The following ASNS variants were observed in gnomAD, a reference collection of about 807,000 sequenced individuals.
ASNS encodes asparagine synthetase [glutamine-hydrolyzing].
A neutral mutation model predicts 62.6 loss-of-function variants in ASNS; 37 were observed. The observed-to-expected ratio is 0.59, with a 90% CI of 0.45 to 0.78. ASNS has a LOEUF of 0.78. Among genes scored for constraint, ASNS ranks in the 30% least tolerant of loss-of-function variants. The pLI is 0.00. For missense variants in ASNS, 520 were observed against 682.4 expected, an observed-to-expected ratio of 0.76 and a Z score of 2.65; for synonymous variants, 207 against 237.9, an observed-to-expected ratio of 0.87 and a Z score of 1.19.
chr7:97,927,654 G>A, the ASNS span, among the ~76,000 whole-genome samples: 1 of 152,286 alleles, frequency 6.6e-6, no homozygotes, highest in Non-Finnish European at 1.5e-5. Flanking sequence ...GTTTCCTGAT[G>A]TTACACTGCC....
At chr7:97,868,787 G>A (rs1266703523) in intron 3 of ASNS, 121 bp downstream of exon 3, 2 of 1,399,816 alleles carry the variant, frequency 1.4e-6, no homozygotes, top group Non-Finnish European at 1.9e-6. Flanking sequence ...TAGAGCAAAT[G>A]AGATAACGAA....
At chr7:97,882,991 C>A in the ASNS span, among the ~76,000 whole-genome samples, 2 of 152,194 alleles carry the variant, frequency 1.3e-5, no homozygotes, top group South Asian at 2.1e-4. Flanking sequence ...GCCAAGTGTG[C>A]TTTTTGCTGG....
At chr7:97,892,609 CT>C in the ASNS span, among the ~76,000 whole-genome samples, 2 of 152,090 alleles carry the variant, frequency 1.3e-5, no homozygotes, top group Non-Finnish European at 2.9e-5. Flanking sequence ...TACCCTAAAT[CT>C]CAAGTTCAAA....
At chr7:97,865,845 G>A (rs1167182003) in intron 3 of ASNS, among the ~76,000 whole-genome samples, 2 of 152,176 alleles carry the variant, frequency 1.3e-5, no homozygotes, top group South Asian at 2.1e-4. Context: ...CTTTGTGGGC[G>A]TGCTTGCATG....
the ASNS span, among the ~76,000 whole-genome samples, chr7:97,921,498 C>T: frequency 2.4e-3 from 371 of 152,264 alleles, 1 homozygote; most frequent in African/African-American, 8.6e-3. Flanking sequence ...CTACAGCCTG[C>T]CTCCTCTGCT....
the ASNS span, among the ~76,000 whole-genome samples, chr7:97,897,197 A>G: frequency 1.3e-5 from 2 of 152,206 alleles, no homozygotes; most frequent in African/African-American, 4.8e-5. Flanking sequence ...CAAAGAAAAC[A>G]ATCAACAGAG....
chr7:97,871,283 C>T (rs1264828914), intron 1 of ASNS, among the ~76,000 whole-genome samples: 1 of 152,218 alleles, frequency 6.6e-6, no homozygotes, highest in Non-Finnish European at 1.5e-5. Flanking sequence ...CTAGCCAGCA[C>T]TTCAAGTGCT....
intron 3 of ASNS, among the ~76,000 whole-genome samples, 199 bp from the exon 4 acceptor site, chr7:97,864,695 C>T (rs995530791): frequency 6.6e-6 from 1 of 152,076 alleles, no homozygotes; most frequent in African/African-American, 2.4e-5. Context: ...AAAGCCGAAC[C>T]CATGAAAATT....
chr7:97,922,155 A>G, the ASNS span, among the ~76,000 whole-genome samples: 6 of 152,180 alleles, frequency 3.9e-5, no homozygotes, highest in Non-Finnish European at 4.4e-5. Context: ...GCTTGAGTCC[A>G]GGAGTTCGAG....
chr7:97,874,906 C>T (rs1792407143), upstream of ASNS, among the ~76,000 whole-genome samples: 3 of 152,248 alleles, frequency 2.0e-5, no homozygotes, highest in Non-Finnish European at 4.4e-5. Flanking sequence ...CCTGTTTTGA[C>T]AGTTCTATTT....
chr7:97,861,404 C>T (rs192310998), intron 4 of ASNS, among the ~76,000 whole-genome samples: 157 of 152,302 alleles, frequency 1.0e-3, no homozygotes, highest in African/African-American at 3.4e-3. Context: ...CTGGTTGCCC[C>T]TGTGCCAGTT....
the ASNS span, among the ~76,000 whole-genome samples, chr7:97,900,233 G>T: frequency 6.6e-6 from 1 of 151,840 alleles, no homozygotes; most frequent in Non-Finnish European, 1.5e-5. Flanking sequence ...ATGGTGGCAG[G>T]TGCCTATAAT....
intron 8 of ASNS, among the ~76,000 whole-genome samples, chr7:97,855,915 T>C (rs185130770): frequency 6.6e-6 from 1 of 152,304 alleles, no homozygotes; most frequent in East Asian, 1.9e-4. Flanking sequence ...ACTATATAAG[T>C]TATTAAACTT....
chr7:97,921,565 G>A, the ASNS span, among the ~76,000 whole-genome samples: 2 of 152,200 alleles, frequency 1.3e-5, no homozygotes, highest in Admixed American at 6.5e-5. Context: ...GCACACAGGA[G>A]CTGCTCAGAT....
the ASNS span, among the ~76,000 whole-genome samples, chr7:97,900,993 G>A: frequency 6.6e-6 from 1 of 152,210 alleles, no homozygotes; most frequent in Non-Finnish European, 1.5e-5. Context: ...TAAGAATACA[G>A]GCACAGTTAT....
rs773038158 is a variant in ASNS at position 97,853,055 on chromosome 7, T to C, written c.1476+5A>G. The C allele has an allele frequency of 1.7e-5, 27 of 1,558,650 alleles. No individual in the cohort carries two copies. The highest frequency in any genetic ancestry group is 2.3e-5 in the Non-Finnish European group (27 of 1,156,330). ...TTCCTGAAAATGTTTTTAAAGACAT[T>C]ATACCTGATGTTCAACGTATTCCTG... On this transcript the variant is annotated splice_donor_5th_base_variant and intron_variant, in intron 12 of 12. Transcript: ENST00000394308.
intron 2 of ASNS, 117 bp from the exon 3 acceptor site, chr7:97,869,296 T>C: frequency 8.3e-6 from 10 of 1,201,092 alleles, no homozygotes; most frequent in Non-Finnish European, 4.6e-6. Flanking sequence ...TAAACCATCT[T>C]TTCTATAGCG....
At position 97,857,345 on chromosome 7, in the gene ASNS, C is replaced by T. The variant is rs1429214528; in HGVS notation, c.904-529G>A. ...CCTCCATAGTGGGAACTAGGTCTCC[C>T]GCTCACTGAATACAGACAAGCTGCC... On this transcript the variant is annotated intron_variant, in intron 7 of 12. Transcript: ENST00000394308. 4.6e-5 allele frequency among the ~76,000 whole-genome samples: 7 copies of T among 152,110 alleles called. No homozygotes were observed. The East Asian group carries it at 5.8e-4, about 13-fold the overall frequency.
chr7:97,855,014 G>A, intron 9 of ASNS: 2 of 334,484 alleles, frequency 6.0e-6, no homozygotes, highest in South Asian at 7.5e-5. Flanking sequence ...GTCTTACTCT[G>A]TCAACCAGGC....
Sources: allele counts gnomAD v4.1 joint callset (sites outside exome capture counted in the v4.1 genomes callset), GRCh38; gene constraint gnomAD v4.1.1; transcripts MANE v1.5; gene names NCBI Gene and HGNC (gene_info 2026-07-23, HGNC 2026-07-21).